NUBPL: variants seen among roughly 807,000 people sequenced by gnomAD.
The protein encoded by NUBPL is NUBP iron-sulfur cluster assembly factor, mitochondrial.
Under a neutral mutation model 45.7 loss-of-function variants are expected in NUBPL, and 31 were observed. The ratio of observed to expected loss-of-function variants is 0.68; its 90% CI spans 0.51 to 0.92. The LOEUF (loss-of-function observed/expected upper bound fraction) is 0.92. Among genes scored for constraint, NUBPL ranks in the 40% least tolerant of loss-of-function variants. The pLI, the probability that NUBPL is intolerant of heterozygous loss-of-function variation, is 0.00. For missense variants in NUBPL, 401 were observed against 398.7 expected (o/e 1.01, Z -0.05); for synonymous variants, 144 against 140.9 (o/e 1.02, Z -0.15).
At chr14:31,654,025 T>A in intron 4 of NUBPL, 2 of 433,860 alleles carry the variant, frequency 4.6e-6, no homozygotes, top group Non-Finnish European at 4.7e-6. Context: ...TGTTTTTCTT[T>A]GCTACTATAG....
intron 7 of NUBPL, among the ~76,000 whole-genome samples, chr14:31,802,317 C>T (rs1178700543): frequency 1.3e-5 from 2 of 151,908 alleles, no homozygotes; most frequent in Non-Finnish European, 2.9e-5. Flanking sequence ...TGCTCTGTCA[C>T]CAGGCTGGAG....
chr14:31,843,799 A>G lies in NUBPL; in HGVS notation c.694-2672A>G, dbSNP rs561767532. 6.6e-5 allele frequency: 10 copies of G among 152,334 alleles called. No individual in the cohort carries two copies. The South Asian group carries it at 1.9e-3, about 28-fold the overall frequency. The allele number at this position is 152,334 out of a possible 1,614,324, so 9.4% of individuals were successfully genotyped here. ...GGAAGCCCTCTCTGACTCCCAGAGT[A>G]CATCAAGTCCTCTCTGTTCTACACT... On this transcript the variant is annotated intron_variant, in intron 8 of 10. Coordinates refer to ENST00000281081, the MANE Select transcript of NUBPL (RefSeq NM_025152.3).
chr14:31,822,959 T>C (rs1037340586), intron 7 of NUBPL, among the ~76,000 whole-genome samples: 7 of 152,146 alleles, frequency 4.6e-5, no homozygotes, highest in African/African-American at 1.2e-4. Flanking sequence ...TAGTATCTTA[T>C]AGCTATTAAA....
At chr14:31,646,931 A>C (rs1386274234) in intron 4 of NUBPL, among the ~76,000 whole-genome samples, 1 of 151,828 alleles carries the variant, frequency 6.6e-6, no homozygotes, top group African/African-American at 2.4e-5. Flanking sequence ...GTGTTTTCAA[A>C]TAGTCTTGTT....
intron 4 of NUBPL, among the ~76,000 whole-genome samples, chr14:31,671,746 T>C (rs1277928140): frequency 1.3e-5 from 2 of 152,194 alleles, no homozygotes; most frequent in Non-Finnish European, 2.9e-5. Flanking sequence ...CATACACTCA[T>C]TGAGTATTCC....
At chr14:31,780,165 C>T (rs1197158595) in intron 6 of NUBPL, among the ~76,000 whole-genome samples, 5 of 151,788 alleles carry the variant, frequency 3.3e-5, no homozygotes, top group Non-Finnish European at 7.4e-5. Flanking sequence ...CAGGTTTAAG[C>T]AATTCTCCTG....
At chr14:31,722,941 A>C (rs529577820) in intron 6 of NUBPL, among the ~76,000 whole-genome samples, 11 of 152,158 alleles carry the variant, frequency 7.2e-5, no homozygotes, top group Non-Finnish European at 1.0e-4. Flanking sequence ...GAAGCTTTTA[A>C]GTTTAATTGC....
chr14:31,673,867 A>G (rs180948741), intron 6 of NUBPL, among the ~76,000 whole-genome samples: 20 of 152,292 alleles, frequency 1.3e-4, no homozygotes, highest in Admixed American at 1.2e-3. Context: ...TTTATAAGTT[A>G]TCTTCCTTCT....
intron 4 of NUBPL, among the ~76,000 whole-genome samples, chr14:31,662,838 C>A (rs1294895132): frequency 6.6e-6 from 1 of 151,648 alleles, no homozygotes; most frequent in African/African-American, 2.4e-5. Flanking sequence ...AATGGGATTG[C>A]TGGATCAAAT....
chr14:31,607,082 T>G (rs2034620448), intron 4 of NUBPL, among the ~76,000 whole-genome samples: 1 of 152,072 alleles, frequency 6.6e-6, no homozygotes, highest in Non-Finnish European at 1.5e-5. Context: ...ATTTTCAGTT[T>G]AGAAACTTAA....
At chr14:31,585,148 C>T (rs1277457294) in intron 3 of NUBPL, among the ~76,000 whole-genome samples, 2 of 152,000 alleles carry the variant, frequency 1.3e-5, no homozygotes, top group Non-Finnish European at 2.9e-5. Flanking sequence ...CAGGGGTGTC[C>T]AATCTTTTGG....
chr14:31,582,027 G>A (rs2033876841), intron 3 of NUBPL, among the ~76,000 whole-genome samples: 6 of 152,016 alleles, frequency 3.9e-5, no homozygotes, highest in Admixed American at 2.0e-4. Flanking sequence ...TATTTTGTTA[G>A]TCAATTCGTT....
At chr14:31,632,023 T>C (rs1163999642) in intron 4 of NUBPL, among the ~76,000 whole-genome samples, 2 of 152,158 alleles carry the variant, frequency 1.3e-5, no homozygotes, top group Non-Finnish European at 2.9e-5. Flanking sequence ...AGTACCTGTG[T>C]TCCCATTTCC....
At chr14:31,830,922 C>A (rs981316016) in intron 8 of NUBPL, among the ~76,000 whole-genome samples, 3 of 152,146 alleles carry the variant, frequency 2.0e-5, no homozygotes, top group Non-Finnish European at 2.9e-5. Flanking sequence ...CCTTACCATG[C>A]TTTTTTCCTA....
intron 8 of NUBPL, among the ~76,000 whole-genome samples, chr14:31,835,623 T>G (rs182745681): frequency 1.3e-5 from 2 of 152,248 alleles, no homozygotes; most frequent in Admixed American, 1.3e-4. Context: ...ATGCAGGACA[T>G]AGAGAAATTG....
chr14:31,576,954 T>G (rs2033733924), intron 3 of NUBPL, among the ~76,000 whole-genome samples: 1 of 152,212 alleles, frequency 6.6e-6, no homozygotes, highest in Non-Finnish European at 1.5e-5. Flanking sequence ...TAATTGGACT[T>G]ACTTGGTGGC....
intron 6 of NUBPL, among the ~76,000 whole-genome samples, chr14:31,740,833 G>A (rs2038267111): frequency 6.6e-6 from 1 of 152,010 alleles, no homozygotes; most frequent in Admixed American, 6.6e-5. Flanking sequence ...TTTGCTTTCA[G>A]TTTTGCACCT....
intron 1 of NUBPL, 55 bp downstream of exon 1, chr14:31,561,602 G>A (rs2033282063): frequency 8.8e-7 from 1 of 1,137,126 alleles, no homozygotes; most frequent in Non-Finnish European, 1.2e-6. Flanking sequence ...GGGCTGCAGG[G>A]CCGCAGATGC....
At chr14:31,818,600 GC>G (rs1419374550) in intron 7 of NUBPL, among the ~76,000 whole-genome samples, 1 of 151,908 alleles carries the variant, frequency 6.6e-6, no homozygotes. Flanking sequence ...AGGCTGGACT[GC>G]AGTTCACTGC....
Sources: gnomAD v4.1 joint callset for allele counts (sites outside exome capture counted in the v4.1 genomes callset) on GRCh38, gnomAD v4.1.1 for gene constraint, MANE v1.5 for transcripts, NCBI Gene and HGNC (gene_info 2026-07-23, HGNC 2026-07-21) for gene names.